The following CLUH variants were observed in gnomAD, a reference collection of about 807,000 sequenced individuals.
The protein encoded by CLUH is CLUH binding protein of NUMT mRNA, also known as clustered mitochondria protein homolog.
CLUH carries 77 observed loss-of-function variants against 139.3 expected under a neutral mutation model. The ratio of observed to expected loss-of-function variants is 0.55; its 90% confidence interval spans 0.46 to 0.67. The LOEUF (loss-of-function observed/expected upper bound fraction) is 0.67, where lower values mean the gene tolerates loss of function less well. Among genes scored for constraint, CLUH ranks in the 30% least tolerant of loss-of-function variants. The pLI, the probability that CLUH is intolerant of heterozygous loss-of-function variation, is 0.00. For missense variants in CLUH, 1,876 were observed against 1,875.8 expected (o/e 1.00, Z 0.00); for synonymous variants, 999 against 801.6 (o/e 1.25, Z -4.16).
chr17:2,711,621 G>A lies in CLUH; in HGVS notation c.41C>T (p.Ala14Val), dbSNP rs1322803435. Residue 14 changes from alanine (A) to valine (V), a missense_variant, in exon 1 of 26, where the codon GCC (alanine) becomes GTC (valine). Coordinates refer to ENST00000651024, the MANE Select transcript of CLUH (RefSeq NM_001366661.1). ...CGAGCCGTGTTCCCGGGCGCTGTCG[G>A]CCGGGGCGGCCGCCGGCAACTCGTC... is the stretch of plus-strand genomic sequence containing the variant. Reference protein sequence around the residue: ...KTDELPAAAPADSAREHGSQA... With the variant: ...KTDELPAAAPVDSAREHGSQA... The A allele has an allele frequency of 2.0e-6, 2 of 984,126 alleles. No homozygotes were observed. Among genetic ancestry groups the A allele is most frequent in the Non-Finnish European group, 2.4e-6 (2 of 829,576 alleles). 61.0% of individuals were successfully genotyped at this position (984,126 alleles called of 1,614,324 possible).
chr17:2,691,677 C>A lies in CLUH; in HGVS notation c.3795G>T (p.Thr1265=). 1.2e-6 allele frequency: 2 copies of A among 1,611,656 alleles called. No homozygotes were observed. Among genetic ancestry groups the A allele is most frequent in the Non-Finnish European group, 8.5e-7 (1 of 1,178,900 alleles). The part of the protein sequence containing the change: ...SSANIPPLKF[T]APSMASVLEQ... ...CCAAGACGCTGGCCATGCTGGGGGC[C>A]GTGAACTGCGGGGCGGGGAAACCAG... The change falls in exon 25 of 26, where the codon ACG becomes ACT. Residue 1265 remains threonine (T), a synonymous_variant. Transcript: ENST00000651024.
At chr17:2,710,054 G>A (rs1419274379) in intron 1 of CLUH, among the ~76,000 whole-genome samples, 4 of 149,606 alleles carry the variant, frequency 2.7e-5, no homozygotes, top group Non-Finnish European at 5.9e-5. Context: ...TTCTCAGCAC[G>A]GGATCCAAAC....
rs780152388 is a variant in CLUH at position 2,701,623 on chromosome 17, C to T, written c.734G>A (p.Arg245His). Reference protein sequence around the residue: ...RPLCPLQPQNRDWKPLQCLKV... With the variant: ...RPLCPLQPQNHDWKPLQCLKV... ...CCCCCAGGATCCTACCTTCCAGTCA[C>T]GGTTTTGGGGCTGCAGGGGACACAG... is the stretch of plus-strand genomic sequence containing the variant. The change falls in exon 5 of 26, where the codon CGT (arginine) becomes CAT (histidine). Residue 245 changes from arginine (R) to histidine (H), a missense_variant. Around this residue, in one of 3 missense-constraint regions of CLUH, gnomAD observed 270 missense variants for 354.7 expected, o/e 0.76. Transcript: ENST00000651024. The T allele has an allele frequency of 1.4e-5, 22 of 1,608,664 alleles. No individual in the cohort carries two copies. The highest frequency in any genetic ancestry group is 5.1e-5 in the Admixed American group (3 of 59,236).
At chr17:2,691,956 GCCAC>G (rs1567575739) in intron 23 of CLUH, 44 bp downstream of exon 23, 10 of 440,078 alleles carry the variant, frequency 2.3e-5, no homozygotes, top group East Asian at 8.5e-5. Context: ...CCCCCGCCCC[GCCAC>G]GCCCCCGCCC....
At position 2,689,539 on chromosome 17, in the gene CLUH, A is replaced by G. The variant is rs1472733366; in HGVS notation, c.*1055T>C. Reference sequence around the variant, plus strand: ...CAAGGTGTCTGGACGGACCACACCCATAAGCGGCTCTCCGCAAACCCAGGC... The same window carrying G: ...CAAGGTGTCTGGACGGACCACACCCGTAAGCGGCTCTCCGCAAACCCAGGC... On this transcript the variant is annotated 3_prime_UTR_variant, in exon 26 of 26. Coordinates refer to ENST00000651024, the MANE Select transcript of CLUH (RefSeq NM_001366661.1). 2 of 152,784 alleles carry G rather than the reference A, an allele frequency of 1.3e-5. No individual in the cohort carries two copies. The highest frequency in any genetic ancestry group is 6.5e-5 in the Admixed American group (1 of 15,292). 9.5% of individuals were successfully genotyped at this position (152,784 alleles called of 1,614,324 possible). A position where few individuals can be genotyped will look rare whatever the true frequency, so the allele number is the denominator to read the frequency against.
At chr17:2,699,158 T>C (rs1409386647) in intron 9 of CLUH, among the ~76,000 whole-genome samples, 1 of 150,440 alleles carries the variant, frequency 6.6e-6, no homozygotes, top group South Asian at 2.2e-4. Context: ...ATCCACCAGT[T>C]ATGTGCCAGG....
At chr17:2,690,911 C>T (rs983719749) in intron 25 of CLUH, 134 bp from the exon 26 acceptor site, 6 of 656,102 alleles carry the variant, frequency 9.1e-6, no homozygotes, top group African/African-American at 1.9e-5. Context: ...CAAGCGCTTC[C>T]CTCCTGAAGG....
chr17:2,703,128 C>T lies in CLUH; in HGVS notation c.475+190G>A, dbSNP rs1429047256. Among the ~76,000 whole-genome samples, 4 of 152,212 alleles carry T rather than the reference C, an allele frequency of 2.6e-5. No individual in the cohort carries two copies. Among genetic ancestry groups the T allele is most frequent in the South Asian group, 2.1e-4 (1 of 4,834 alleles). On this transcript the variant is annotated intron_variant, in intron 3 of 25. Coordinates refer to ENST00000651024, the MANE Select transcript of CLUH (RefSeq NM_001366661.1). This position sits in a 1 kb window ranked among gnomAD's most constrained non-coding sequence, Gnocchi z 4.2. ...GGCGTGAGCCACCATGCCCAGCCCA[C>T]GGCTCTGTTCTTTAACCCATGGGCC... is the stretch of plus-strand genomic sequence containing the variant.
Position 2,707,901 on chromosome 17 carries a change from G to A in CLUH, c.101-3337C>T. On this transcript the variant is annotated intron_variant, in intron 1 of 25. Transcript: ENST00000651024. This position sits in a 1 kb window ranked among gnomAD's most constrained non-coding sequence, Gnocchi z 7.4. The stretch of plus-strand genomic sequence containing the variant: ...GGTTCTGGTGGAAGGGAGGGGGATG[G>A]GCCCCCAGCTTCCCAGAGGACAACT... The A allele has an allele frequency of 3.0e-6, 3 of 985,436 alleles. No individual in the cohort carries two copies. In the South Asian group the frequency reaches 1.4e-4, roughly 46 times the overall value. The allele number at this position is 985,436 out of a possible 1,614,324, so 61.0% of individuals were successfully genotyped here.
At position 2,700,445 on chromosome 17, in the gene CLUH, C is replaced by T. The variant is rs200696518; in HGVS notation, c.1203G>A (p.Thr401=). 7.0e-5 allele frequency: 113 copies of T among 1,613,066 alleles called. No individual in the cohort carries two copies. In the East Asian group the frequency reaches 1.8e-3, roughly 26 times the overall value. The change falls in exon 9 of 26, where the codon ACG becomes ACA. Residue 401 remains threonine, a synonymous_variant. Coordinates refer to ENST00000651024, the MANE Select transcript of CLUH (RefSeq NM_001366661.1). Reference sequence around the variant, plus strand: ...GGTTCTTGCGAGGCAGCTCCCTCGTCGTCTGCAGCTCCTCATTCCAGTCTC... The same window carrying T: ...GGTTCTTGCGAGGCAGCTCCCTCGTTGTCTGCAGCTCCTCATTCCAGTCTC... ...QTRDWNEELQ[T]TRELPRKNLP...
intron 16 of CLUH, 113 bp downstream of exon 16, chr17:2,694,742 CTT>C: frequency 7.1e-7 from 1 of 1,406,816 alleles, no homozygotes; most frequent in East Asian, 2.5e-5. Context: ...GCTGCTCCCT[CTT>C]CTCTCTGACT....
intron 1 of CLUH, among the ~76,000 whole-genome samples, chr17:2,705,713 T>C (rs2070330964): frequency 6.6e-6 from 1 of 152,172 alleles, no homozygotes; most frequent in African/African-American, 2.4e-5. Flanking sequence ...CCACCTTCTA[T>C]CTTGCCCAGG....
intron 7 of CLUH, 135 bp downstream of exon 7, chr17:2,701,005 C>G: frequency 2.7e-6 from 4 of 1,492,598 alleles, no homozygotes; most frequent in Non-Finnish European, 3.6e-6. Flanking sequence ...TGGCCGACAG[C>G]TCCCTAGAGC....
chr17:2,708,113 G>A (rs912701615), intron 1 of CLUH: 2 of 531,396 alleles, frequency 3.8e-6, no homozygotes, highest in African/African-American at 2.1e-5. Context: ...CCTTCCCAGG[G>A]CCTCTGACAT....
intron 22 of CLUH, 107 bp from the exon 23 acceptor site, chr17:2,692,204 C>G (rs1225527519): frequency 4.2e-6 from 6 of 1,441,052 alleles, no homozygotes; most frequent in Non-Finnish European, 5.6e-6. Context: ...TGGAAGCCAC[C>G]GAGGGGAACA....
In CLUH at chr17:2,694,147, T is replaced by C. The variant is rs1478530025; in HGVS notation, c.3067A>G (p.Ser1023Gly). Residue 1023 changes from serine to glycine, a missense_variant, in exon 18 of 26, where the codon AGC becomes GGC. By Grantham distance (56) the Ser-to-Gly change is moderately conservative. Transcript: ENST00000651024. ...CCCTGCTGCACTTTGGCCTGCCCGCTCTGGAAGAAATGGAAGGCATCCGAG... is the reference window on the plus strand; with the variant it reads ...CCCTGCTGCACTTTGGCCTGCCCGCCCTGGAAGAAATGGAAGGCATCCGAG... ...KASDAFHFFQSGQAKVQQGFL... is the reference protein window; with the variant it reads ...KASDAFHFFQGGQAKVQQGFL... The C allele has an allele frequency of 6.2e-7, 1 of 1,613,496 alleles. No homozygotes were observed. Among genetic ancestry groups the C allele is most frequent in the Non-Finnish European group, 8.5e-7 (1 of 1,179,722 alleles).
Position 2,690,500 on chromosome 17 carries a change from T to C in CLUH, c.*94A>G. 8.7e-7 allele frequency: 1 copy of C among 1,143,306 alleles called. No individual in the cohort carries two copies. Among genetic ancestry groups the C allele is most frequent in the East Asian group, 3.2e-5 (1 of 31,594 alleles). The allele number at this position is 1,143,306 out of a possible 1,614,324, so 70.8% of individuals were successfully genotyped here. A position where few individuals can be genotyped will look rare whatever the true frequency, so the allele number is the denominator to read the frequency against. On this transcript the variant is annotated 3_prime_UTR_variant, in exon 26 of 26. Transcript: ENST00000651024. The stretch of plus-strand genomic sequence containing the variant: ...GGTGAGACGTGGAGGAAGAGGGCCT[T>C]GCTTCCTCTTCCGCCCGCAGGCTCG...
intron 16 of CLUH, 35 bp downstream of exon 16, chr17:2,694,822 T>TCCCCCCCCCCCCCCCCCCCCCGCCC: frequency 1.3e-5 from 18 of 1,346,304 alleles, no homozygotes; most frequent in East Asian, 5.1e-5. Context: ...ATCTGCCCAA[T>TCCCCCCCCCCCCCCCCCCCCCGCCC]CCCACCCACC....
chr17:2,700,482 G>A lies in CLUH; in HGVS notation c.1174-8C>T, dbSNP rs751561186. Reference sequence around the variant, plus strand: ...CTCATTCCAGTCTCGGGTCTGCAGAGAGATCAGGGAGGGAAAAACGAGCTC... The same window carrying A: ...CTCATTCCAGTCTCGGGTCTGCAGAAAGATCAGGGAGGGAAAAACGAGCTC... On this transcript the variant is annotated splice_polypyrimidine_tract_variant and splice_region_variant and intron_variant, in intron 8 of 25. Coordinates refer to ENST00000651024, the MANE Select transcript of CLUH (RefSeq NM_001366661.1). 9.9e-6 allele frequency: 16 copies of A among 1,608,582 alleles called. No homozygotes were observed. In the South Asian group the frequency reaches 1.6e-4, roughly 16 times the overall value.
Sources: allele counts gnomAD v4.1 joint callset (sites outside exome capture counted in the v4.1 genomes callset), GRCh38; gene constraint gnomAD v4.1.1; regional missense constraint gnomAD v4.1.1; non-coding constraint Gnocchi (gnomAD v3.1); transcripts MANE v1.5; gene names NCBI Gene and HGNC (gene_info 2026-07-23, HGNC 2026-07-21).